Variants in ENOX1 observed in about 807,000 individuals in gnomAD.
The protein encoded by ENOX1 is ecto-NOX disulfide-thiol exchanger 1, also known as candidate growth-related and time keeping constitutive hydroquinone (NADH) oxidase.
ENOX1 carries 42 observed loss-of-function variants against 82.5 expected under a neutral mutation model. The ratio of observed to expected loss-of-function variants is 0.51; its 90% CI spans 0.40 to 0.66. The LOEUF (loss-of-function observed/expected upper bound fraction) is 0.66, where lower values mean the gene tolerates loss of function less well. Among genes scored for constraint, ENOX1 ranks in the 30% least tolerant of loss-of-function variants. ENOX1 has a pLI of 0.00. For synonymous variants in ENOX1, 271 were observed against 282.2 expected (o/e 0.96, Z 0.40); for missense variants, 608 against 811.6 (o/e 0.75, Z 3.05).
chr13:43,777,287 C>A (rs186781068), intron 1 of ENOX1, among the ~76,000 whole-genome samples: 1 of 151,894 alleles, frequency 6.6e-6, no homozygotes, highest in African/African-American at 2.4e-5. Flanking sequence ...AGTCCAAACA[C>A]GTGAAAAAAA....
intron 2 of ENOX1, among the ~76,000 whole-genome samples, chr13:43,534,415 G>C (rs1022157238): frequency 3.3e-5 from 5 of 151,902 alleles, no homozygotes; most frequent in African/African-American, 1.2e-4. Context: ...TACAGAGTCT[G>C]ATCAGTTTCC....
At chr13:43,648,502 A>C (rs1035785332) in intron 2 of ENOX1, among the ~76,000 whole-genome samples, 1 of 152,228 alleles carries the variant, frequency 6.6e-6, no homozygotes, top group African/African-American at 2.4e-5. Flanking sequence ...AGAGCTGGGG[A>C]AACAGAAACC....
chr13:43,652,006 A>G (rs1255049076), intron 2 of ENOX1, among the ~76,000 whole-genome samples: 1 of 150,824 alleles, frequency 6.6e-6, no homozygotes, highest in Non-Finnish European at 1.5e-5. Flanking sequence ...TTCACTTTGA[A>G]TCTTTTTGAT....
chr13:43,289,092 A>G (rs1276280743), intron 12 of ENOX1, among the ~76,000 whole-genome samples: 1 of 152,206 alleles, frequency 6.6e-6, no homozygotes, highest in African/African-American at 2.4e-5. Context: ...ATGGAAAAAC[A>G]CTTCATGCTC....
intron 3 of ENOX1, among the ~76,000 whole-genome samples, chr13:43,469,015 G>A (rs1054073342): frequency 2.6e-5 from 4 of 152,138 alleles, no homozygotes; most frequent in Non-Finnish European, 4.4e-5. Flanking sequence ...TTATTGACTA[G>A]AAGTGGGTAG....
intron 2 of ENOX1, among the ~76,000 whole-genome samples, chr13:43,571,519 A>G (rs1027287480): frequency 6.0e-5 from 6 of 99,334 alleles, no homozygotes; most frequent in Admixed American, 2.6e-4. Flanking sequence ...CTCTACTAAA[A>G]AAGAAAAAAA....
At chr13:43,431,327 C>T (rs1472797092) in intron 3 of ENOX1, among the ~76,000 whole-genome samples, 1 of 152,160 alleles carries the variant, frequency 6.6e-6, no homozygotes, top group Non-Finnish European at 1.5e-5. Flanking sequence ...GTGATCTTCT[C>T]TTAGTGACTC....
At chr13:43,739,314 A>C (rs2089784507) in intron 1 of ENOX1, among the ~76,000 whole-genome samples, 1 of 152,082 alleles carries the variant, frequency 6.6e-6, no homozygotes, top group African/African-American at 2.4e-5. Flanking sequence ...TTGGGAGGCC[A>C]AGTCGGGCAG....
At chr13:43,231,518 T>C (rs2042280070) in intron 15 of ENOX1, among the ~76,000 whole-genome samples, 2 of 152,382 alleles carry the variant, frequency 1.3e-5, no homozygotes, top group South Asian at 4.1e-4. Context: ...AGTTTTGTGT[T>C]GTAATATTTG....
chr13:43,731,949 C>T (rs1487332199), intron 1 of ENOX1, among the ~76,000 whole-genome samples: 2 of 152,150 alleles, frequency 1.3e-5, no homozygotes, highest in East Asian at 3.9e-4. Context: ...ATAAGTCGCA[C>T]AAGTTTCACA....
intron 11 of ENOX1, among the ~76,000 whole-genome samples, chr13:43,303,335 C>A (rs2046687813): frequency 6.6e-6 from 1 of 152,228 alleles, no homozygotes; most frequent in Non-Finnish European, 1.5e-5. Context: ...CAGGGACTCT[C>A]TCCAGCTTCT....
At chr13:43,460,090 A>G (rs563546811) in intron 3 of ENOX1, among the ~76,000 whole-genome samples, 1 of 152,196 alleles carries the variant, frequency 6.6e-6, no homozygotes, top group Non-Finnish European at 1.5e-5. Flanking sequence ...AGTTAATTAT[A>G]TTTACAAGTT....
chr13:43,585,826 G>C (rs9316039), intron 2 of ENOX1, among the ~76,000 whole-genome samples: 124,176 of 152,184 alleles, frequency 0.82, 51,618 homozygotes, highest in Non-Finnish European at 0.92. Flanking sequence ...ATCCGCCCAC[G>C]TTGGCCTCCC....
intron 2 of ENOX1, among the ~76,000 whole-genome samples, chr13:43,650,667 G>A (rs531082277): frequency 0.014 from 1,896 of 137,016 alleles, 35 homozygotes; most frequent in African/African-American, 0.048. Context: ...GGTGAAACCC[G>A]TCTCTACTAA....
At chr13:43,353,338 A>G (rs2049933529) in intron 8 of ENOX1, among the ~76,000 whole-genome samples, 4 of 152,260 alleles carry the variant, frequency 2.6e-5, no homozygotes, top group Non-Finnish European at 1.5e-5. Context: ...GCTGATTTTC[A>G]AAGAGAAAAT....
At chr13:43,432,596 T>C (rs1259737017) in intron 3 of ENOX1, among the ~76,000 whole-genome samples, 1 of 152,114 alleles carries the variant, frequency 6.6e-6, no homozygotes, top group Admixed American at 6.5e-5. Flanking sequence ...TGAGCTGAGA[T>C]TGTACCACTG....
intron 2 of ENOX1, among the ~76,000 whole-genome samples, chr13:43,584,949 A>AC (rs1215319920): frequency 1.3e-5 from 2 of 152,204 alleles, no homozygotes; most frequent in Admixed American, 6.5e-5. Flanking sequence ...CACTTTCTCC[A>AC]CCCCAACTGT....
chr13:43,448,521 A>G lies in ENOX1; in HGVS notation c.-75+35488T>C, dbSNP rs370015514. Among the ~76,000 whole-genome samples the G allele has an allele frequency of 6.6e-5, 10 of 152,360 alleles. No homozygotes were observed. The East Asian group carries it at 1.7e-3, about 26-fold the overall frequency. The stretch of plus-strand genomic sequence containing the variant: ...GCTATAGTTATAAGACAAATTGACT[A>G]TATTTTATTGGGAGAAAAGTGAAGA... On this transcript the variant is annotated intron_variant, in intron 3 of 16. Transcript: ENST00000690772.
At chr13:43,638,397 G>T (rs1378652222) in intron 2 of ENOX1, among the ~76,000 whole-genome samples, 2 of 95,454 alleles carry the variant, frequency 2.1e-5, no homozygotes, top group Non-Finnish European at 4.3e-5. Flanking sequence ...CATCATAAGT[G>T]TCTAGGGTTT....
Sources: gnomAD v4.1 joint callset for allele counts (sites outside exome capture counted in the v4.1 genomes callset) on GRCh38, gnomAD v4.1.1 for gene constraint, MANE v1.5 for transcripts, NCBI Gene and HGNC (gene_info 2026-07-23, HGNC 2026-07-21) for gene names.